Variants in RABGAP1L observed in about 807,000 individuals in gnomAD.
RABGAP1L encodes RAB GTPase activating protein 1 like.
A neutral mutation model predicts 137.7 loss-of-function variants in RABGAP1L; 63 were observed. The ratio of observed to expected loss-of-function variants is 0.46; its 90% CI spans 0.37 to 0.56. The LOEUF (loss-of-function observed/expected upper bound fraction) is 0.56, where lower values mean the gene tolerates loss of function less well. RABGAP1L is among the 20% of genes least tolerant of loss of function. RABGAP1L has a pLI of 0.00. For synonymous variants in RABGAP1L, 431 were observed against 433.7 expected, an observed-to-expected ratio of 0.99 and a Z score of 0.08; for missense variants, 1,095 against 1,244.0, an observed-to-expected ratio of 0.88 and a Z score of 1.80.
chr1:174,195,665 TTC>T (rs201833585), intron 1 of RABGAP1L, among the ~76,000 whole-genome samples: 13 of 99,562 alleles, frequency 1.3e-4, no homozygotes, highest in African/African-American at 4.3e-4. Context: ...TTCCTTTCCT[TTC>T]CTTTCCTTCT....
At chr1:174,179,466 C>T (rs1049499216) in intron 1 of RABGAP1L, among the ~76,000 whole-genome samples, 4 of 152,024 alleles carry the variant, frequency 2.6e-5, no homozygotes, top group African/African-American at 9.7e-5. Flanking sequence ...TACTTTGTCA[C>T]ATAGAATGTT....
At chr1:174,612,441 T>C (rs1343420790) in intron 13 of RABGAP1L, among the ~76,000 whole-genome samples, 1 of 152,246 alleles carries the variant, frequency 6.6e-6, no homozygotes, top group African/African-American at 2.4e-5. Context: ...TTTGATGTGC[T>C]GCTGGATTCG....
intron 11 of RABGAP1L, among the ~76,000 whole-genome samples, chr1:174,308,541 T>A (rs896844661): frequency 4.6e-5 from 7 of 152,072 alleles, no homozygotes; most frequent in Admixed American, 2.6e-4. Context: ...TATTTTTATG[T>A]ATGGTGGTGT....
chr1:174,875,828 G>T (rs1653003776), intron 19 of RABGAP1L: 1 of 518,174 alleles, frequency 1.9e-6, no homozygotes. Flanking sequence ...CGAAAATAAT[G>T]CTTAACAGAC....
intron 11 of RABGAP1L, among the ~76,000 whole-genome samples, chr1:174,358,196 C>T (rs1023183863): frequency 7.2e-5 from 11 of 151,954 alleles, no homozygotes; most frequent in African/African-American, 2.7e-4. Context: ...GAAACATAGC[C>T]TTCGGTGTAA....
intron 13 of RABGAP1L, among the ~76,000 whole-genome samples, chr1:174,603,140 T>G (rs1670538929): frequency 6.6e-6 from 1 of 152,204 alleles, no homozygotes; most frequent in Non-Finnish European, 1.5e-5. Context: ...GCCTAAGTCT[T>G]TGATCACTAC....
At chr1:174,932,784 C>G (rs1664061256) in intron 19 of RABGAP1L, among the ~76,000 whole-genome samples, 1 of 151,950 alleles carries the variant, frequency 6.6e-6, no homozygotes, top group Non-Finnish European at 1.5e-5. Flanking sequence ...GAAATTATCC[C>G]CTACTTGGCC....
At chr1:174,543,355 TC>T (rs138945734) in intron 13 of RABGAP1L, among the ~76,000 whole-genome samples, 53,523 of 151,936 alleles carry the variant, frequency 0.35, 12,058 homozygotes, top group African/African-American at 0.64. Context: ...GTAATGGCCT[TC>T]TTTGTCTCTT....
intron 1 of RABGAP1L, among the ~76,000 whole-genome samples, chr1:174,213,653 G>T (rs1292795845): frequency 6.6e-6 from 1 of 152,076 alleles, no homozygotes. Flanking sequence ...TTTATCCCAG[G>T]GATGCAAATA....
chr1:174,391,535 AGTCTGGAACTG>A (rs202129052), intron 12 of RABGAP1L, among the ~76,000 whole-genome samples: 4 of 152,028 alleles, frequency 2.6e-5, no homozygotes, highest in Admixed American at 6.6e-5. Context: ...CATGTTGCCC[AGTCTGGAACTG>A]GTCTGGAACT....
At chr1:174,401,155 A>C (rs1648532437) in intron 13 of RABGAP1L, among the ~76,000 whole-genome samples, 1 of 152,096 alleles carries the variant, frequency 6.6e-6, no homozygotes, top group Non-Finnish European at 1.5e-5. Flanking sequence ...TTTCAGGCAC[A>C]CCTTGCCTTG....
rs141005916 is a variant in RABGAP1L at position 174,986,289 on chromosome 1, C to T, written c.2806-2352C>T. 7.0e-4 allele frequency among the ~76,000 whole-genome samples: 107 copies of T among 152,254 alleles called. 2 individuals carry two copies. Among genetic ancestry groups the T allele is most frequent in the African/African-American group, 2.5e-3 (105 of 41,526 alleles). The stretch of plus-strand genomic sequence containing the variant: ...CAACTAGAGCTCCCACCATCACACC[C>T]ATACTCTATGGCAGAATTTTAGTCC... On this transcript the variant is annotated intron_variant, in intron 24 of 25. Transcript: ENST00000681986.
intron 19 of RABGAP1L, among the ~76,000 whole-genome samples, chr1:174,954,786 C>T (rs1668268616): frequency 6.6e-6 from 1 of 152,138 alleles, no homozygotes; most frequent in South Asian, 2.1e-4. Flanking sequence ...TAGCTGCTCC[C>T]CTTGGCCCTT....
chr1:174,758,405 T>C (rs1013613258), intron 18 of RABGAP1L, among the ~76,000 whole-genome samples: 4 of 152,132 alleles, frequency 2.6e-5, no homozygotes, highest in African/African-American at 9.7e-5. Context: ...TATAAATGTT[T>C]ACTCTCATTT....
At chr1:174,616,483 G>C (rs1468568737) in intron 13 of RABGAP1L, among the ~76,000 whole-genome samples, 1 of 152,106 alleles carries the variant, frequency 6.6e-6, no homozygotes, top group Non-Finnish European at 1.5e-5. Context: ...AAAGTCTCAG[G>C]CACCAGGGAA....
chr1:174,361,426 T>G (rs1437866551), intron 11 of RABGAP1L, among the ~76,000 whole-genome samples: 1 of 152,142 alleles, frequency 6.6e-6, no homozygotes, highest in Non-Finnish European at 1.5e-5. Flanking sequence ...ATGAAATATA[T>G]TTGTATTTTT....
intron 19 of RABGAP1L, among the ~76,000 whole-genome samples, chr1:174,838,931 A>AT: frequency 7.2e-6 from 1 of 139,782 alleles, no homozygotes; most frequent in Admixed American, 7.0e-5. Flanking sequence ...AAAAAAAAAA[A>AT]AAAAAAAAAA....
At chr1:174,809,508 A>G (rs933659500) in intron 18 of RABGAP1L, among the ~76,000 whole-genome samples, 1 of 152,212 alleles carries the variant, frequency 6.6e-6, no homozygotes, top group African/African-American at 2.4e-5. Context: ...TGGATTTGAA[A>G]TTAGGCCTTG....
chr1:174,609,586 G>C (rs79226989), intron 13 of RABGAP1L, among the ~76,000 whole-genome samples: 3,439 of 152,138 alleles, frequency 0.023, 61 homozygotes, highest in Middle Eastern at 0.085. Context: ...ATAATCCAGA[G>C]GTACACTGAA....
Sources: gnomAD v4.1 joint callset for allele counts (sites outside exome capture counted in the v4.1 genomes callset) on GRCh38, gnomAD v4.1.1 for gene constraint, MANE v1.5 for transcripts, NCBI Gene and HGNC (gene_info 2026-07-23, HGNC 2026-07-21) for gene names.